The following MRPS35 variants were observed in gnomAD, a reference collection of about 807,000 sequenced individuals.
The protein encoded by MRPS35 is mitochondrial ribosomal protein S35.
Under a neutral mutation model 32.7 loss-of-function variants are expected in MRPS35, and 29 were observed. That is an observed-to-expected ratio of 0.89 (90% CI 0.66 to 1.21). The LOEUF (loss-of-function observed/expected upper bound fraction) is 1.21, where lower values mean the gene tolerates loss of function less well. Ranked by LOEUF, MRPS35 falls within the 50% of genes most tolerant of loss-of-function variation. The pLI is 0.00. For missense variants in MRPS35, 373 were observed against 383.8 expected, an observed-to-expected ratio of 0.97 and a Z score of 0.23; for synonymous variants, 148 against 139.3, an observed-to-expected ratio of 1.06 and a Z score of -0.44.
intron 7 of MRPS35, among the ~76,000 whole-genome samples, chr12:27,748,438 GGTGT>G (rs35760106): frequency 0.11 from 16,772 of 145,978 alleles, 1,034 homozygotes; most frequent in African/African-American, 0.17. Context: ...AAAGAAAAGT[GGTGT>G]GTGTGTGTGT....
At chr12:27,745,672 A>T (rs1446662732) in intron 7 of MRPS35, among the ~76,000 whole-genome samples, 1 of 151,818 alleles carries the variant, frequency 6.6e-6, no homozygotes, top group Non-Finnish European at 1.5e-5. Context: ...GCACCCATTA[A>T]CTCGTCATTT....
At chr12:27,742,102 A>G (rs1254317469) in intron 7 of MRPS35, among the ~76,000 whole-genome samples, 11 of 152,208 alleles carry the variant, frequency 7.2e-5, no homozygotes, top group Non-Finnish European at 1.6e-4. Context: ...AATAAAAATT[A>G]AAAATTTCTA....
intron 4 of MRPS35, among the ~76,000 whole-genome samples, chr12:27,723,328 T>C (rs901099484): frequency 6.6e-6 from 1 of 152,118 alleles, no homozygotes; most frequent in African/African-American, 2.4e-5. Context: ...GTTATGAAGA[T>C]AGAGAGGCAT....
At chr12:27,728,775 AT>A in intron 5 of MRPS35, among the ~76,000 whole-genome samples, 1 of 152,182 alleles carries the variant, frequency 6.6e-6, no homozygotes, top group South Asian at 2.1e-4. Context: ...AACATTTCCT[AT>A]CTTCTGAATT....
Position 27,755,433 on chromosome 12 carries a change from CTA to C in MRPS35, c.957_958del (p.Leu320LysfsTer13). 2.6e-6 allele frequency: 4 copies of C among 1,564,108 alleles called. No individual in the cohort carries two copies. Among genetic ancestry groups the C allele is most frequent in the Non-Finnish European group, 3.4e-6 (4 of 1,164,352 alleles). Reference protein sequence around the residue: ...ISQYKESVKRLLNVT With the variant: ...ISQYKESVKRXLNVT Reference sequence around the variant, plus strand: ...TCAGTACAAAGAATCCGTGAAGAGACTATTAAATGTGACATGAATTATGGAGT... The same window carrying C: ...TCAGTACAAAGAATCCGTGAAGAGACTTAAATGTGACATGAATTATGGAGT... On this transcript the variant is annotated frameshift_variant, in exon 8 of 8. Transcript: ENST00000081029. LOFTEE classifies it high-confidence loss of function.
intron 6 of MRPS35, among the ~76,000 whole-genome samples, chr12:27,736,865 ACTT>A (rs902015348): frequency 9.2e-5 from 14 of 152,056 alleles, no homozygotes; most frequent in African/African-American, 3.1e-4. Context: ...TTCTATATCT[ACTT>A]CTTATTTTTA....
At chr12:27,729,923 ACACATGGCATATCTTTTT>A (rs2061915108) in intron 5 of MRPS35, among the ~76,000 whole-genome samples, 1 of 152,252 alleles carries the variant, frequency 6.6e-6, no homozygotes, top group East Asian at 1.9e-4. Flanking sequence ...AAATCTTGGT[ACACATGGCATATCTTTTT>A]CACACAGCAG....
In MRPS35 at chr12:27,735,453, C is replaced by G. The variant is rs763886588; in HGVS notation, c.529C>G (p.Leu177Val). 1.9e-6 allele frequency: 3 copies of G among 1,600,360 alleles called. No homozygotes were observed. In the South Asian group the frequency reaches 3.4e-5, roughly 18 times the overall value. Residue 177 changes from leucine (L) to valine (V), a missense_variant, in exon 6 of 8, where the codon CTT (leucine) becomes GTT (valine). By Grantham distance (32) the Leu-to-Val change is conservative. Coordinates refer to ENST00000081029, the MANE Select transcript of MRPS35 (RefSeq NM_021821.4). ...AACTTTTCTTATTTTTAAGGTAAAG[C>G]TTTCCAGTTTGAATTTAGATGATCA... Reference protein sequence around the residue: ...RARVVVLRVKLSSLNLDDHAK... With the variant: ...RARVVVLRVKVSSLNLDDHAK...
At chr12:27,716,763 A>C (rs1272373458) in intron 3 of MRPS35, among the ~76,000 whole-genome samples, 3 of 152,088 alleles carry the variant, frequency 2.0e-5, no homozygotes, top group Non-Finnish European at 4.4e-5. Context: ...CGAGGTGGGC[A>C]GATCACTTGA....
chr12:27,743,537 TAAATA>T (rs768857812), intron 7 of MRPS35, among the ~76,000 whole-genome samples: 5 of 151,972 alleles, frequency 3.3e-5, no homozygotes, highest in African/African-American at 1.2e-4. Flanking sequence ...TCAAAATAAA[TAAATA>T]AAATAAAATG....
At chr12:27,730,908 C>T (rs545673798) in intron 5 of MRPS35, among the ~76,000 whole-genome samples, 2 of 152,286 alleles carry the variant, frequency 1.3e-5, no homozygotes, top group East Asian at 3.9e-4. Flanking sequence ...GCAGAGCCCA[C>T]ACTTAAGGAT....
At chr12:27,726,942 T>TA (rs2061903055) in intron 5 of MRPS35, among the ~76,000 whole-genome samples, 1 of 149,120 alleles carries the variant, frequency 6.7e-6, no homozygotes, top group African/African-American at 2.4e-5. Flanking sequence ...GTTGTCCTCT[T>TA]ACTTTCTTGA....
At chr12:27,741,058 C>T (rs925674439) in intron 7 of MRPS35, among the ~76,000 whole-genome samples, 17 of 151,992 alleles carry the variant, frequency 1.1e-4, no homozygotes, top group Non-Finnish European at 2.4e-4. Flanking sequence ...GTCCCAGCTA[C>T]TCGGGAGACT....
At chr12:27,745,347 C>G (rs1277641670) in intron 7 of MRPS35, among the ~76,000 whole-genome samples, 1 of 152,128 alleles carries the variant, frequency 6.6e-6, no homozygotes, top group Non-Finnish European at 1.5e-5. Flanking sequence ...GAACTCAGAC[C>G]TGAACTGCAG....
At chr12:27,714,896 G>C in intron 2 of MRPS35, 76 bp downstream of exon 2, 1 of 1,303,116 alleles carries the variant, frequency 7.7e-7, no homozygotes. Flanking sequence ...TTATAAGGCA[G>C]AAGGGTGTTA....
chr12:27,723,933 G>C (rs2061887471), intron 4 of MRPS35, 114 bp from the exon 5 acceptor site: 1 of 1,011,598 alleles, frequency 9.9e-7, no homozygotes, highest in African/African-American at 1.7e-5. Context: ...AAGAGAATCT[G>C]TTCTTTCATG....
intron 5 of MRPS35, among the ~76,000 whole-genome samples, chr12:27,731,224 T>G (rs748576176): frequency 3.3e-5 from 5 of 152,188 alleles, no homozygotes; most frequent in Admixed American, 6.5e-5. Context: ...CTGGGCTCTT[T>G]CCCTGTCCCA....
intron 1 of MRPS35, 54 bp downstream of exon 1, chr12:27,711,009 A>G: frequency 6.5e-7 from 1 of 1,528,020 alleles, no homozygotes; most frequent in Non-Finnish European, 8.9e-7. Flanking sequence ...AGAGCGGAAT[A>G]CCGGCCTCAT....
At chr12:27,710,990 G>A in intron 1 of MRPS35, 35 bp downstream of exon 1, 1 of 1,583,576 alleles carries the variant, frequency 6.3e-7, no homozygotes, top group East Asian at 2.3e-5. Flanking sequence ...GGGCTTTGGG[G>A]GAGGTGCAAG....
Sources: gnomAD v4.1 joint callset for allele counts (sites outside exome capture counted in the v4.1 genomes callset) on GRCh38, gnomAD v4.1.1 for gene constraint, MANE v1.5 for transcripts, NCBI Gene and HGNC (gene_info 2026-07-23, HGNC 2026-07-21) for gene names.